Variants in IL12RB2 observed in about 807,000 individuals in gnomAD.
IL12RB2 encodes interleukin-12 receptor subunit beta-2.
Under a neutral mutation model 89.4 loss-of-function variants are expected in IL12RB2, and 82 were observed. The ratio of observed to expected loss-of-function variants is 0.92; its 90% CI spans 0.77 to 1.10. IL12RB2 has a LOEUF of 1.10. Ranked by LOEUF, IL12RB2 falls within the 50% of genes least tolerant of loss-of-function variation. The pLI is 0.00. For synonymous variants in IL12RB2, 368 were observed against 370.1 expected (o/e 0.99, Z 0.07); for missense variants, 963 against 1,031.9 (o/e 0.93, Z 0.92).
intron 2 of IL12RB2, among the ~76,000 whole-genome samples, chr1:67,315,248 TG>T (rs1285879452): frequency 6.6e-6 from 1 of 152,130 alleles, no homozygotes; most frequent in African/African-American, 2.4e-5. Flanking sequence ...ATAATATATA[TG>T]AAAACATATT....
intron 8 of IL12RB2, among the ~76,000 whole-genome samples, chr1:67,338,047 C>T (rs532847239): frequency 6.6e-6 from 1 of 151,700 alleles, no homozygotes; most frequent in East Asian, 1.9e-4. Flanking sequence ...TAAGTTAAGG[C>T]CGGGTGCAGT....
intron 1 of IL12RB2, among the ~76,000 whole-genome samples, chr1:67,310,073 A>G (rs1654819508): frequency 6.6e-6 from 1 of 151,190 alleles, no homozygotes; most frequent in South Asian, 2.1e-4. Flanking sequence ...AATCCCAGCT[A>G]CTCGGGAGGT....
intron 10 of IL12RB2, among the ~76,000 whole-genome samples, chr1:67,354,254 G>A (rs755875820): frequency 2.0e-5 from 3 of 152,162 alleles, no homozygotes; most frequent in Non-Finnish European, 4.4e-5. Context: ...GCCAGGTGAG[G>A]GAGAGCAGGT....
At chr1:67,367,399 A>G (rs112452057) in intron 10 of IL12RB2, among the ~76,000 whole-genome samples, 7,215 of 150,304 alleles carry the variant, frequency 0.048, 224 homozygotes, top group Middle Eastern at 0.071. Flanking sequence ...TGTCTCAAGG[A>G]AAAAAAAAGA....
At chr1:67,389,398 C>G (rs1665565908) in intron 15 of IL12RB2, among the ~76,000 whole-genome samples, 1 of 151,382 alleles carries the variant, frequency 6.6e-6, no homozygotes, top group South Asian at 2.1e-4. Context: ...TCATATTGTT[C>G]ATGAACTTTA....
In IL12RB2 at chr1:67,368,325, G is replaced by A. The variant is rs9887941; in HGVS notation, c.1459+300G>A. 5.3e-3 allele frequency among the ~76,000 whole-genome samples: 801 copies of A among 152,332 alleles called. 5 individuals carry two copies. The highest frequency in any genetic ancestry group is 0.018 in the African/African-American group (768 of 41,576). On this transcript the variant is annotated intron_variant, in intron 11 of 16. Transcript: ENST00000674203. ...CTGAGAGCTAAGTTAACTGCCCAGT[G>A]TAATAGACACCTTTATTTATCATAG...
chr1:67,384,301 CCAAGG>C (rs1355873544), intron 14 of IL12RB2, among the ~76,000 whole-genome samples: 10 of 152,230 alleles, frequency 6.6e-5, no homozygotes. Context: ...ATGGAAGCTG[CCAAGG>C]CCTGGGGCTT....
At chr1:67,346,327 TTAGA>T (rs923786861) in intron 9 of IL12RB2, among the ~76,000 whole-genome samples, 4 of 151,860 alleles carry the variant, frequency 2.6e-5, no homozygotes, top group Admixed American at 2.6e-4. Context: ...AAATAGATCC[TTAGA>T]TAGTTTCAAT....
chr1:67,396,066 A>C lies in IL12RB2; in HGVS notation c.2566A>C (p.Arg856=). The change falls in exon 17 of 17, where the codon AGG becomes CGG. Residue 856 remains arginine, a synonymous_variant. Transcript: ENST00000674203. ...DKLTLDQLKM[R]CDSLML ...GCTGACTCTGGATCAGTTAAAGATG[A>C]GGTGTGACTCCCTCATGCTCTGAGT... 1 of 1,604,960 alleles carries C rather than the reference A, an allele frequency of 6.2e-7. No homozygotes were observed. The highest frequency in any genetic ancestry group is 8.5e-7 in the Non-Finnish European group (1 of 1,171,584).
intron 9 of IL12RB2, among the ~76,000 whole-genome samples, chr1:67,348,282 T>C (rs532884951): frequency 1.7e-4 from 26 of 152,062 alleles, no homozygotes; most frequent in Non-Finnish European, 3.5e-4. Context: ...ATTAGAGAAG[T>C]TGCTTTGCAA....
intron 16 of IL12RB2, among the ~76,000 whole-genome samples, chr1:67,391,499 T>A (rs1665824198): frequency 6.8e-6 from 1 of 148,006 alleles, no homozygotes; most frequent in Non-Finnish European, 1.5e-5. Context: ...TTCTATATTC[T>A]GTCATATAAT....
chr1:67,309,337 T>C (rs1485761755), intron 1 of IL12RB2, among the ~76,000 whole-genome samples: 1 of 152,224 alleles, frequency 6.6e-6, no homozygotes, highest in Non-Finnish European at 1.5e-5. Context: ...GGCTCAAAAC[T>C]GTGTTCCTTC....
intron 10 of IL12RB2, among the ~76,000 whole-genome samples, chr1:67,363,404 C>T (rs1366849268): frequency 6.6e-5 from 10 of 150,976 alleles, no homozygotes; most frequent in South Asian, 6.3e-4. Context: ...TTAGTAGAGA[C>T]GGGGTTTCTC....
chr1:67,335,530 T>C (rs1658656104), intron 8 of IL12RB2, among the ~76,000 whole-genome samples: 1 of 152,240 alleles, frequency 6.6e-6, no homozygotes, highest in African/African-American at 2.4e-5. Flanking sequence ...TACAGTTTTT[T>C]CCTTTACAGA....
rs79090151 is a variant in IL12RB2 at position 67,319,449 on chromosome 1, A to G, written c.-36-884A>G. 1.2e-3 allele frequency among the ~76,000 whole-genome samples: 185 copies of G among 152,324 alleles called. 3 individuals are homozygous for G. The East Asian group carries it at 0.03, about 25-fold the overall frequency. On this transcript the variant is annotated intron_variant, in intron 2 of 16. Transcript: ENST00000674203. ...TAAACAAGCTTCTCTACAAAACCCAAACAACCCTTGGAATTCCTTTTTTAC... is the reference window on the plus strand; with the variant it reads ...TAAACAAGCTTCTCTACAAAACCCAGACAACCCTTGGAATTCCTTTTTTAC...
intron 10 of IL12RB2, among the ~76,000 whole-genome samples, chr1:67,365,761 T>C (rs1662601677): frequency 2.0e-5 from 3 of 152,106 alleles, no homozygotes; most frequent in Admixed American, 1.3e-4. Flanking sequence ...TGGATTTGAA[T>C]TTAAAAACCC....
At chr1:67,390,251 C>G in intron 16 of IL12RB2, 123 bp downstream of exon 16, 1 of 684,880 alleles carries the variant, frequency 1.5e-6, no homozygotes, top group East Asian at 2.8e-5. Context: ...AAGTTATTCA[C>G]GCTTGGCTAC....
At chr1:67,348,893 G>A (rs1015704952) in intron 9 of IL12RB2, among the ~76,000 whole-genome samples, 2 of 152,098 alleles carry the variant, frequency 1.3e-5, no homozygotes, top group African/African-American at 4.8e-5. Context: ...CCTAACCCAT[G>A]GGATACCATA....
At chr1:67,346,450 G>A (rs17838048) in intron 9 of IL12RB2, among the ~76,000 whole-genome samples, 8,258 of 144,398 alleles carry the variant, frequency 0.057, 263 homozygotes, top group Middle Eastern at 0.078. Context: ...GCAGTGGTGC[G>A]ATATTAGCTC....
Sources: allele counts gnomAD v4.1 joint callset (sites outside exome capture counted in the v4.1 genomes callset), GRCh38; gene constraint gnomAD v4.1.1; transcripts MANE v1.5; gene names NCBI Gene and HGNC (gene_info 2026-07-23, HGNC 2026-07-21).